Variants in CDH18 observed in about 807,000 individuals in gnomAD.
CDH18 encodes cadherin-18.
In CDH18, 31 loss-of-function variants were observed where a neutral mutation model predicts 67.9. That is an observed-to-expected ratio of 0.46 (90% confidence interval 0.34 to 0.62). CDH18 has a LOEUF of 0.62. Ranked by LOEUF, CDH18 falls within the 20% of genes least tolerant of loss-of-function variation. CDH18 has a pLI of 0.01. For synonymous variants in CDH18, 362 were observed against 347.2 expected, an observed-to-expected ratio of 1.04 and a Z score of -0.48; for missense variants, 890 against 975.5, an observed-to-expected ratio of 0.91 and a Z score of 1.17.
chr5:19,891,703 A>T lies in CDH18; in HGVS notation c.-256-52461T>A, dbSNP rs566451565. Among the ~76,000 whole-genome samples, 3 of 152,266 alleles carry T rather than the reference A, an allele frequency of 2.0e-5. No individual in the cohort carries two copies. The South Asian group carries it at 6.2e-4, about 32-fold the overall frequency. The stretch of plus-strand genomic sequence containing the variant: ...CCATGTAACCTCTGAATTTCTCCCC[A>T]GGCTGAGATACTCTGTTTTCAGAAT... On this transcript the variant is annotated intron_variant, in intron 2 of 12. Coordinates refer to ENST00000382275, the MANE Select transcript of CDH18 (RefSeq NM_004934.5).
chr5:20,282,383 G>A (rs1009201813), intron 1 of CDH18, among the ~76,000 whole-genome samples: 3 of 152,068 alleles, frequency 2.0e-5, no homozygotes, highest in Non-Finnish European at 4.4e-5. Context: ...TTTGAGATAC[G>A]TAACATCAAT....
At chr5:20,426,550 A>G (rs901860730) in intron 1 of CDH18, among the ~76,000 whole-genome samples, 1 of 151,150 alleles carries the variant, frequency 6.6e-6, no homozygotes, top group African/African-American at 2.5e-5. Flanking sequence ...GTATTATCAG[A>G]TATTAATCAC....
chr5:20,315,131 T>A (rs1038865267), intron 1 of CDH18, among the ~76,000 whole-genome samples: 1 of 152,078 alleles, frequency 6.6e-6, no homozygotes, highest in Non-Finnish European at 1.5e-5. Flanking sequence ...AAGATTCACT[T>A]GCATGTCTCC....
chr5:20,394,804 T>C (rs1198318393), intron 1 of CDH18, among the ~76,000 whole-genome samples: 1 of 151,736 alleles, frequency 6.6e-6, no homozygotes, highest in African/African-American at 2.4e-5. Flanking sequence ...AAAGAAGACA[T>C]ACAAATGGCC....
chr5:20,535,166 T>C (rs944659491), intron 1 of CDH18, among the ~76,000 whole-genome samples: 5 of 152,124 alleles, frequency 3.3e-5, no homozygotes, highest in Non-Finnish European at 5.9e-5. Flanking sequence ...GAGAAACCAA[T>C]TCCTTATTCA....
chr5:20,387,983 G>A (rs1269441419), intron 1 of CDH18, among the ~76,000 whole-genome samples: 1 of 151,594 alleles, frequency 6.6e-6, no homozygotes, highest in African/African-American at 2.4e-5. Context: ...ATTTTATTGA[G>A]GATTTTTGCA....
intron 8 of CDH18, among the ~76,000 whole-genome samples, chr5:19,571,144 A>G (rs1419724802): frequency 6.6e-6 from 1 of 152,218 alleles, no homozygotes; most frequent in Non-Finnish European, 1.5e-5. Flanking sequence ...CCACTTTTAC[A>G]TATAAAGAGA....
At position 19,774,808 on chromosome 5, in the gene CDH18, C is replaced by CA. The variant is rs59248561; in HGVS notation, c.229-27573dup. Among the ~76,000 whole-genome samples, 6 of 35,416 alleles carry CA rather than the reference C, an allele frequency of 1.7e-4. 1 individual carries two copies. The highest frequency in any genetic ancestry group is 2.0e-3 in the East Asian group (1 of 502). The allele number at this position is 35,416 out of a possible 152,430, so 23.2% of individuals were successfully genotyped here. On this transcript the variant is annotated intron_variant, in intron 3 of 12. Transcript: ENST00000382275. Reference sequence around the variant, plus strand: ...TGAGTGACAGAGCAAGACTCTGTCTCAAAAAAAAAAAAAAAAAAAAAAAAA... The same window carrying CA: ...TGAGTGACAGAGCAAGACTCTGTCTCAAAAAAAAAAAAAAAAAAAAAAAAAA...
rs146057194 is a variant in CDH18 at position 19,769,725 on chromosome 5, G to A, written c.229-22489C>T. On this transcript the variant is annotated intron_variant, in intron 3 of 12. Coordinates refer to ENST00000382275, the MANE Select transcript of CDH18 (RefSeq NM_004934.5). ...TTGTAACTATGATGTCAAAAGCATG[G>A]ACAAATAAAAATATAGATAAATTAT... is the stretch of plus-strand genomic sequence containing the variant. Among the ~76,000 whole-genome samples, 15 of 152,000 alleles carry A rather than the reference G, an allele frequency of 9.9e-5. No homozygotes were observed. The East Asian group carries it at 2.9e-3, about 29-fold the overall frequency.
intron 1 of CDH18, among the ~76,000 whole-genome samples, chr5:20,457,436 C>T (rs181346752): frequency 6.6e-6 from 1 of 151,932 alleles, no homozygotes; most frequent in Non-Finnish European, 1.5e-5. Context: ...TGGATGGTAC[C>T]GATGATGTCC....
At chr5:20,129,895 T>C (rs957650562) in intron 2 of CDH18, among the ~76,000 whole-genome samples, 1 of 151,872 alleles carries the variant, frequency 6.6e-6, no homozygotes, top group African/African-American at 2.4e-5. Flanking sequence ...AAGAATTATA[T>C]AGGTCTCTAA....
chr5:20,200,289 G>A (rs1003705920), intron 2 of CDH18, among the ~76,000 whole-genome samples: 6 of 152,136 alleles, frequency 3.9e-5, no homozygotes, highest in Non-Finnish European at 8.8e-5. Flanking sequence ...TCAGCAATCA[G>A]AATAAAATTG....
intron 1 of CDH18, chr5:20,304,929 G>C (rs181298006): frequency 1.2e-6 from 2 of 1,613,260 alleles, no homozygotes; most frequent in African/African-American, 1.3e-5. Flanking sequence ...TTGTATTCAC[G>C]TGCTTCACTA....
intron 1 of CDH18, among the ~76,000 whole-genome samples, chr5:20,448,393 G>A (rs1750176712): frequency 6.6e-6 from 1 of 151,482 alleles, no homozygotes; most frequent in East Asian, 1.9e-4. Context: ...CTTTCATCAG[G>A]CATGACAGAT....
intron 2 of CDH18, among the ~76,000 whole-genome samples, chr5:19,993,596 T>C (rs1020823975): frequency 6.6e-6 from 1 of 152,138 alleles, no homozygotes; most frequent in African/African-American, 2.4e-5. Flanking sequence ...TTGCTTTTTC[T>C]GTAGCACACA....
chr5:20,265,066 C>T (rs1194261098), intron 1 of CDH18, among the ~76,000 whole-genome samples: 1 of 152,108 alleles, frequency 6.6e-6, no homozygotes, highest in Admixed American at 6.6e-5. Context: ...AGACGAATGT[C>T]ACCATTATCT....
At chr5:20,232,431 C>A (rs1742148943) in intron 2 of CDH18, among the ~76,000 whole-genome samples, 1 of 152,080 alleles carries the variant, frequency 6.6e-6, no homozygotes, top group Non-Finnish European at 1.5e-5. Flanking sequence ...TAGTATCTAA[C>A]TTTAAATTAC....
At chr5:20,216,874 A>G (rs1212160595) in intron 2 of CDH18, among the ~76,000 whole-genome samples, 1 of 152,002 alleles carries the variant, frequency 6.6e-6, no homozygotes, top group African/African-American at 2.4e-5. Flanking sequence ...TTAAAAGCAG[A>G]AAGAGCAAGA....
At position 20,108,468 on chromosome 5, in the gene CDH18, T is replaced by A. The variant is rs542644741; in HGVS notation, c.-517-116454A>T. Among the ~76,000 whole-genome samples the A allele has an allele frequency of 3.9e-5, 6 of 152,244 alleles. No individual in the cohort carries two copies. In the South Asian group the frequency reaches 8.3e-4, roughly 21 times the overall value. ...AGGGGTTAGGACTCCGATGTGTGAA[T>A]TTCAGGTAGACGCAATTTAGCCCAT... On this transcript the variant is annotated intron_variant, in intron 2 of 14. Coordinates refer to the CDH18 transcript ENST00000507958.
Sources: allele counts gnomAD v4.1 joint callset (sites outside exome capture counted in the v4.1 genomes callset), GRCh38; gene constraint gnomAD v4.1.1; transcripts MANE v1.5; gene names NCBI Gene and HGNC (gene_info 2026-07-23, HGNC 2026-07-21).